Variants in CCRL2 observed in about 807,000 individuals in gnomAD.
CCRL2 encodes C-C chemokine receptor-like 2.
For synonymous variants in CCRL2, 181 were observed against 165.6 expected (o/e 1.09, Z -0.71); for missense variants, 451 against 412.4 (o/e 1.09, Z -0.81).
At position 46,408,603 on chromosome 3, in the gene CCRL2, A is replaced by G; in HGVS notation, c.524A>G (p.Glu175Gly). 6.2e-7 allele frequency: 1 copy of G among 1,614,128 alleles called. No homozygotes were observed. The highest frequency in any genetic ancestry group is 8.5e-7 in the Non-Finnish European group (1 of 1,179,972). ...TTCGTGGTTTATAAACCTCAGATGGAAGACCAGAAATACAAGTGTGCATTT... is the reference window on the plus strand; with the variant it reads ...TTCGTGGTTTATAAACCTCAGATGGGAGACCAGAAATACAAGTGTGCATTT... The part of the protein sequence containing the change: ...PEFVVYKPQM[E>G]DQKYKCAFSR... The change falls in exon 2 of 2, where the codon GAA becomes GGA. Residue 175 changes from glutamate (E) to glycine (G), a missense_variant. Physicochemically the swap from Glu to Gly is moderately conservative, Grantham distance 98. Coordinates refer to ENST00000399036, the MANE Select transcript of CCRL2 (RefSeq NM_003965.5).
In CCRL2 at chr3:46,408,486, G is replaced by A. The variant is rs934093878; in HGVS notation, c.407G>A (p.Gly136Glu). Residue 136 changes from glycine to glutamate, a missense_variant, in exon 2 of 2, where the codon GGA becomes GAA. By Grantham distance (98) the Gly-to-Glu change is moderately conservative (BLOSUM62 -2). Coordinates refer to ENST00000399036, the MANE Select transcript of CCRL2 (RefSeq NM_003965.5). ...VQRYLVFLHK[G>E]NFFSARRRVP... is the part of the protein sequence containing the mutation. ...AGGTACCTAGTGTTTTTGCACAAGG[G>A]AAACTTTTTCTCAGCCAGGAGGAGG... The A allele has an allele frequency of 3.7e-6, 6 of 1,614,198 alleles. No individual in the cohort carries two copies. The East Asian group carries it at 1.1e-4, about 30-fold the overall frequency.
At position 46,408,843 on chromosome 3, in the gene CCRL2, A is replaced by T; in HGVS notation, c.764A>T (p.Asn255Ile). The part of the protein sequence containing the change: ...VVFLLMWAPY[N>I]IAFFLSTFKE... The stretch of plus-strand genomic sequence containing the variant: ...TTCCTTCTGATGTGGGCGCCCTACA[A>T]TATTGCATTTTTCCTGTCCACTTTC... The change falls in exon 2 of 2, where the codon AAT (asparagine) becomes ATT (isoleucine). Residue 255 changes from asparagine (N) to isoleucine (I), a missense_variant. By Grantham distance (149) the Asn-to-Ile change is moderately radical. Transcript: ENST00000399036. 6.2e-7 allele frequency: 1 copy of T among 1,614,148 alleles called. No individual in the cohort carries two copies. The highest frequency in any genetic ancestry group is 1.7e-5 in the Admixed American group (1 of 60,012).
chr3:46,407,632 G>T (rs1454693356), intron 1 of CCRL2, 130 bp downstream of exon 1: 3 of 1,530,672 alleles, frequency 2.0e-6, no homozygotes, highest in Non-Finnish European at 2.6e-6. Context: ...ACAGGAAGCT[G>T]CTTCGGGGGG....
Position 46,408,145 on chromosome 3 carries a change from C to T in CCRL2, c.66C>T (p.Ser22=), listed in dbSNP as rs200036183. The change falls in exon 2 of 2, where the codon AGC becomes AGT. Residue 22 remains serine (S), a synonymous_variant. Transcript: ENST00000399036. ...TCCTCATAGAAGGTGAACTGGAGAGCGATGAGGCAGAGCAATGTGACAAGT... is the reference window on the plus strand; with the variant it reads ...TCCTCATAGAAGGTGAACTGGAGAGTGATGAGGCAGAGCAATGTGACAAGT... ...YDVLIEGELE[S]DEAEQCDKYD... The T allele has an allele frequency of 6.4e-5, 103 of 1,607,760 alleles. No homozygotes were observed. The African/African-American group carries it at 1.2e-3, about 18-fold the overall frequency.
chr3:46,409,123 C>A lies in CCRL2; in HGVS notation c.*9C>A, dbSNP rs373209620. 1.9e-6 allele frequency: 3 copies of A among 1,578,926 alleles called. No homozygotes were observed. Among genetic ancestry groups the A allele is most frequent in the African/African-American group, 2.7e-5 (2 of 73,800 alleles). On this transcript the variant is annotated 3_prime_UTR_variant, in exon 2 of 2. Transcript: ENST00000399036. ...ATTCCACCGAAGTGTAAACTAGCAT[C>A]CACCAAATGCAAGAAGAATAAACAT...
chr3:46,409,219 G>A lies in CCRL2; in HGVS notation c.*105G>A. ...TTGTATACAAAATCGGATACAGGAA[G>A]AAAAGGGAGAGGTGAGCTAACATTT... On this transcript the variant is annotated 3_prime_UTR_variant, in exon 2 of 2. Transcript: ENST00000399036. 2 of 1,102,586 alleles carry A rather than the reference G, an allele frequency of 1.8e-6. No individual in the cohort carries two copies. The highest frequency in any genetic ancestry group is 2.6e-6 in the Non-Finnish European group (2 of 759,504). The allele number at this position is 1,102,586 out of a possible 1,614,324, so 68.3% of individuals were successfully genotyped here.
chr3:46,408,184 A>G lies in CCRL2; in HGVS notation c.105A>G (p.Ala35=), dbSNP rs1352904763. 1 of 1,613,166 alleles carries G rather than the reference A, an allele frequency of 6.2e-7. No homozygotes were observed. The highest frequency in any genetic ancestry group is 8.5e-7 in the Non-Finnish European group (1 of 1,179,630). ...AATGTGACAAGTATGACGCCCAGGCACTCTCAGCCCAGCTGGTGCCATCAC... is the reference window on the plus strand; with the variant it reads ...AATGTGACAAGTATGACGCCCAGGCGCTCTCAGCCCAGCTGGTGCCATCAC... ...AEQCDKYDAQ[A]LSAQLVPSLC... is the part of the protein sequence containing the mutation. Residue 35 remains alanine, a synonymous_variant, in exon 2 of 2, where the codon GCA becomes GCG. Transcript: ENST00000399036.
Position 46,408,153 on chromosome 3 carries a change from C to T in CCRL2, c.74C>T (p.Ala25Val). 1.2e-6 allele frequency: 2 copies of T among 1,610,082 alleles called. No individual in the cohort carries two copies. The highest frequency in any genetic ancestry group is 1.7e-6 in the Non-Finnish European group (2 of 1,177,920). The change falls in exon 2 of 2, where the codon GCA becomes GTA. Residue 25 changes from alanine (A) to valine (V), a missense_variant. Ala to Val is a moderately conservative substitution (Grantham distance 64, BLOSUM62 0). Coordinates refer to ENST00000399036, the MANE Select transcript of CCRL2 (RefSeq NM_003965.5). ...GAAGGTGAACTGGAGAGCGATGAGGCAGAGCAATGTGACAAGTATGACGCC... is the reference window on the plus strand; with the variant it reads ...GAAGGTGAACTGGAGAGCGATGAGGTAGAGCAATGTGACAAGTATGACGCC... ...LIEGELESDE[A>V]EQCDKYDAQA...
rs1702102023 is a variant in CCRL2, at chr3:46,409,061, C to T, written c.982C>T (p.Gln328Ter). 1.9e-6 allele frequency: 3 copies of T among 1,614,180 alleles called. No individual in the cohort carries two copies. Among genetic ancestry groups the T allele is most frequent in the East Asian group, 4.5e-5 (2 of 44,890 alleles). The stretch of plus-strand genomic sequence containing the variant: ...TAACACCCCACTTCAACCCAGGGGG[C>T]AGTCTGCACAAGGCACATCGAGGGA... ...RSNTPLQPRGQSAQGTSREEP... is the reference protein window; with the variant it reads ...RSNTPLQPRG The change falls in exon 2 of 2, where the codon CAG becomes TAG. Residue 328 changes from glutamine to a stop codon, truncating the protein, a stop_gained. Transcript: ENST00000399036. LOFTEE classifies it low-confidence loss of function (END_TRUNC).
In CCRL2 at chr3:46,408,990, A is replaced by G; in HGVS notation, c.911A>G (p.Asp304Gly). ...CINPLLYAFLDGTFSKYLCRC... is the reference protein window; with the variant it reads ...CINPLLYAFLGGTFSKYLCRC... ...AACCCTCTCCTGTATGCGTTTCTTG[A>G]TGGGACATTTAGCAAATACCTCTGC... Residue 304 changes from aspartate to glycine, a missense_variant, in exon 2 of 2, where the codon GAT (aspartate) becomes GGT (glycine). Physicochemically the swap from Asp to Gly is moderately conservative, Grantham distance 94 (BLOSUM62 -1). Transcript: ENST00000399036. 6.2e-7 allele frequency: 1 copy of G among 1,614,130 alleles called. No individual in the cohort carries two copies. Among genetic ancestry groups the G allele is most frequent in the Non-Finnish European group, 8.5e-7 (1 of 1,180,026 alleles).
In CCRL2 at chr3:46,408,079, G is replaced by T; in HGVS notation, c.-1G>T. ...CCATTTCTCCACAGGGCAGTCTGAA[G>T]ATGGCCAATTACACGCTGGCACCAG... is the stretch of plus-strand genomic sequence containing the variant. On this transcript the variant is annotated 5_prime_UTR_variant, in exon 2 of 2. Transcript: ENST00000399036. 1 of 1,566,286 alleles carries T rather than the reference G, an allele frequency of 6.4e-7. No homozygotes were observed. Among genetic ancestry groups the T allele is most frequent in the East Asian group, 2.3e-5 (1 of 43,284 alleles).
In CCRL2 at chr3:46,408,562, G is replaced by T. The variant is rs763361804; in HGVS notation, c.483G>T (p.Leu161=). 1 of 1,614,108 alleles carries T rather than the reference G, an allele frequency of 6.2e-7. No individual in the cohort carries two copies. The change falls in exon 2 of 2, where the codon CTG becomes CTT. Residue 161 remains leucine, a synonymous_variant. Transcript: ENST00000399036. ...TSVLAWVTAI[L]ATLPEFVVYK... ...TCCTGGCATGGGTAACAGCCATTCT[G>T]GCCACTTTGCCTGAATTCGTGGTTT...
chr3:46,407,949 T>C, intron 1 of CCRL2, 119 bp from the exon 2 acceptor site: 1 of 779,072 alleles, frequency 1.3e-6, no homozygotes, highest in Non-Finnish European at 2.0e-6. Flanking sequence ...GGAATTACTC[T>C]GGCTAAAATG....
chr3:46,409,330 G>A lies in CCRL2; in HGVS notation c.*216G>A, dbSNP rs180929664. ...GCCTCCTACCACTTGTCCATAGTGT[G>A]GATAGGACTAGTCTCATTTCTCTGA... is the stretch of plus-strand genomic sequence containing the variant. On this transcript the variant is annotated 3_prime_UTR_variant, in exon 2 of 2. Transcript: ENST00000399036. 21 of 584,768 alleles carry A rather than the reference G, an allele frequency of 3.6e-5. No homozygotes were observed. In the East Asian group the frequency reaches 5.5e-4, roughly 15 times the overall value. 36.2% of individuals were successfully genotyped at this position (584,768 alleles called of 1,614,324 possible).
At position 46,408,958 on chromosome 3, in the gene CCRL2, C is replaced by A. The variant is rs757547932; in HGVS notation, c.879C>A (p.Cys293Ter). The change falls in exon 2 of 2, where the codon TGC becomes TGA. Residue 293 changes from cysteine (C) to a stop codon, truncating the protein, a stop_gained. Coordinates refer to ENST00000399036, the MANE Select transcript of CCRL2 (RefSeq NM_003965.5). LOFTEE classifies it low-confidence loss of function (END_TRUNC). ...HITKLIATTH[C>*]CINPLLYAFL... ...CTAAACTCATCGCCACCACCCACTG[C>A]TGCATCAACCCTCTCCTGTATGCGT... is the stretch of plus-strand genomic sequence containing the variant. 6.2e-7 allele frequency: 1 copy of A among 1,614,204 alleles called. No individual in the cohort carries two copies. Among genetic ancestry groups the A allele is most frequent in the South Asian group, 1.1e-5 (1 of 91,088 alleles).
Position 46,409,232 on chromosome 3 carries a change from TGAGC to T in CCRL2, c.*119_*122del, listed in dbSNP as rs1702105992. On this transcript the variant is annotated 3_prime_UTR_variant, in exon 2 of 2. Transcript: ENST00000399036. ...CGGATACAGGAAGAAAAGGGAGAGG[TGAGC>T]TAACATTTGCTAAGCACTGAATTTG... 1.0e-6 allele frequency: 1 copy of T among 1,000,346 alleles called. No individual in the cohort carries two copies. Among genetic ancestry groups the T allele is most frequent in the Non-Finnish European group, 1.5e-6 (1 of 672,490 alleles). The allele number at this position is 1,000,346 out of a possible 1,614,324, so 62.0% of individuals were successfully genotyped here. A position where few individuals can be genotyped will look rare whatever the true frequency, so the allele number is the denominator to read the frequency against.
chr3:46,407,674 A>G lies in CCRL2; in HGVS notation c.-13+172A>G. 2 of 1,544,964 alleles carry G rather than the reference A, an allele frequency of 1.3e-6. 1 individual carries two copies. Among genetic ancestry groups the G allele is most frequent in the South Asian group, 2.4e-5 (2 of 82,344 alleles). Reference sequence around the variant, plus strand: ...AACTTTTTAAAATGCAGAAATTATGATCTACACCCGTTTCTTAAAAGTAAG... The same window carrying G: ...AACTTTTTAAAATGCAGAAATTATGGTCTACACCCGTTTCTTAAAAGTAAG... On this transcript the variant is annotated intron_variant, in intron 1 of 1. Transcript: ENST00000399036.
Position 46,408,339 on chromosome 3 carries a change from T to C in CCRL2, c.260T>C (p.Phe87Ser). 1 of 1,614,268 alleles carries C rather than the reference T, an allele frequency of 6.2e-7. No homozygotes were observed. Among genetic ancestry groups the C allele is most frequent in the Non-Finnish European group, 8.5e-7 (1 of 1,180,036 alleles). ...LLNLAVSNLC[F>S]LLTLPFWAHA... The stretch of plus-strand genomic sequence containing the variant: ...AACTTGGCAGTTTCTAACTTGTGTT[T>C]CTTGCTTACCCTGCCCTTCTGGGCT... Residue 87 changes from phenylalanine to serine, a missense_variant, in exon 2 of 2, where the codon TTC becomes TCC. Phe to Ser is a radical substitution (Grantham distance 155). Coordinates refer to ENST00000399036, the MANE Select transcript of CCRL2 (RefSeq NM_003965.5).
chr3:46,408,684 TA>T lies in CCRL2; in HGVS notation c.610del (p.Met204Ter). ...ACATTCTGGAAGCATTTTCTGACTTTAAAAATGAACATTTCGGTTCTTGTCC... is the reference window on the plus strand; with the variant it reads ...ACATTCTGGAAGCATTTTCTGACTTTAAAATGAACATTTCGGTTCTTGTCC... ...DETFWKHFLT[L>X]KMNISVLVLP... On this transcript the variant is annotated frameshift_variant, in exon 2 of 2. Transcript: ENST00000399036. LOFTEE classifies it low-confidence loss of function (END_TRUNC). The T allele has an allele frequency of 6.2e-7, 1 of 1,614,234 alleles. No homozygotes were observed. The highest frequency in any genetic ancestry group is 8.5e-7 in the Non-Finnish European group (1 of 1,180,048).
Sources: gnomAD v4.1 joint callset for allele counts on GRCh38, gnomAD v4.1.1 for gene constraint, MANE v1.5 for transcripts, NCBI Gene and HGNC (gene_info 2026-07-23, HGNC 2026-07-21) for gene names.